Variants in HK1 observed in about 807,000 individuals in gnomAD.
HK1 encodes the protein hexokinase-1.
Under a neutral mutation model 91.6 loss-of-function variants are expected in HK1, and 28 were observed. That is an observed-to-expected ratio of 0.31 (90% CI 0.23 to 0.42). HK1 has a LOEUF of 0.42. HK1 is among the 10% of genes least tolerant of loss of function. The pLI, the probability that HK1 is intolerant of heterozygous loss-of-function variation, is 1.00. For missense variants in HK1, 770 were observed against 1,219.8 expected, an observed-to-expected ratio of 0.63 and a Z score of 5.49; for synonymous variants, 430 against 468.1, an observed-to-expected ratio of 0.92 and a Z score of 1.05.
At chr10:69,318,020 C>T (rs1846738760), upstream of HK1, 1 of 984,816 alleles carries the variant, frequency 1.0e-6, no homozygotes, top group Non-Finnish European at 1.2e-6. Context: ...CCTGGATGCC[C>T]AAGAGCAAGA....
At chr10:69,389,461 G>GTC (rs750220716) in intron 14 of HK1, 165 bp downstream of exon 14, 88 of 531,434 alleles carry the variant, frequency 1.7e-4, no homozygotes, top group South Asian at 1.8e-4. Flanking sequence ...AGGCAGCAGA[G>GTC]TCTCTGGCGG....
intron 2 of HK1, among the ~76,000 whole-genome samples, chr10:69,357,485 C>G (rs1017744007): frequency 2.6e-5 from 4 of 152,158 alleles, no homozygotes; most frequent in South Asian, 4.1e-4. Context: ...GGGCCTCGCT[C>G]TGTTGCCCAG....
At chr10:69,280,411 C>T (rs1164711904) in intron 1 of HK1, among the ~76,000 whole-genome samples, 1 of 152,232 alleles carries the variant, frequency 6.6e-6, no homozygotes, top group Non-Finnish European at 1.5e-5. Context: ...GCCACCACGC[C>T]CAGCCCGGAA....
chr10:69,389,653 T>C (rs571125003), intron 14 of HK1, among the ~76,000 whole-genome samples: 6 of 151,770 alleles, frequency 4.0e-5, no homozygotes, highest in Non-Finnish European at 5.9e-5. Context: ...ATGGAGGGGC[T>C]CTGGTCAGGT....
intron 14 of HK1, among the ~76,000 whole-genome samples, chr10:69,391,569 G>C (rs1359618284): frequency 6.6e-6 from 1 of 152,232 alleles, no homozygotes; most frequent in African/African-American, 2.4e-5. Context: ...TTGAGCCCTG[G>C]AGGCGGAGGT....
chr10:69,330,542 C>G (rs551524655), intron 1 of HK1, among the ~76,000 whole-genome samples: 1 of 152,096 alleles, frequency 6.6e-6, no homozygotes, highest in South Asian at 2.1e-4. Flanking sequence ...CTCCAGACTC[C>G]AAAGCCATTG....
chr10:69,279,920 G>A (rs1844654231), intron 1 of HK1, among the ~76,000 whole-genome samples: 1 of 152,210 alleles, frequency 6.6e-6, no homozygotes, highest in African/African-American at 2.4e-5. Flanking sequence ...ATAAAAGCAT[G>A]TATAAGTCCA....
chr10:69,343,706 G>A lies in HK1; in HGVS notation c.64-121G>A, dbSNP rs1848404255. 6 of 793,218 alleles carry A rather than the reference G, an allele frequency of 7.6e-6. No homozygotes were observed. In the South Asian group the frequency reaches 8.1e-5, roughly 11 times the overall value. The allele number at this position is 793,218 out of a possible 1,614,324, so 49.1% of individuals were successfully genotyped here. Reference sequence around the variant, plus strand: ...CAGCAGTTGAATGACCTTCCGCCATGCGATGTGCCAGCGTGCGTGTTCCTG... The same window carrying A: ...CAGCAGTTGAATGACCTTCCGCCATACGATGTGCCAGCGTGCGTGTTCCTG... On this transcript the variant is annotated intron_variant, in intron 1 of 17. Coordinates refer to ENST00000359426, the MANE Select transcript of HK1 (RefSeq NM_000188.3).
At chr10:69,354,312 A>G (rs1849026053) in intron 2 of HK1, among the ~76,000 whole-genome samples, 1 of 152,212 alleles carries the variant, frequency 6.6e-6, no homozygotes, top group African/African-American at 2.4e-5. Flanking sequence ...GAACTGCCTA[A>G]GACTGGGTAA....
At chr10:69,389,833 G>C (rs4746848) in intron 14 of HK1, among the ~76,000 whole-genome samples, 40,214 of 152,196 alleles carry the variant, frequency 0.26, 6,022 homozygotes, top group African/African-American at 0.42. Context: ...GGGGGTTGCA[G>C]AGGGGTTGTC....
At chr10:69,315,665 A>G, upstream of HK1, 1 of 492,074 alleles carries the variant, frequency 2.0e-6, no homozygotes, top group East Asian at 3.9e-5. Flanking sequence ...GGGACACAGC[A>G]GTGCAGCATG....
intron 7 of HK1, among the ~76,000 whole-genome samples, chr10:69,371,975 C>A (rs538370980): frequency 6.6e-6 from 1 of 152,256 alleles, no homozygotes; most frequent in Non-Finnish European, 1.5e-5. Flanking sequence ...TAAAGACATA[C>A]CCGTAACTGG....
intron 4 of HK1, among the ~76,000 whole-genome samples, chr10:69,367,355 C>T (rs1012231570): frequency 6.6e-6 from 1 of 152,186 alleles, no homozygotes; most frequent in Admixed American, 6.5e-5. Context: ...TAGATCAGCT[C>T]CCTGTTTCTA....
chr10:69,343,983 G>A lies in HK1; in HGVS notation c.220G>A (p.Gly74Ser). 6.2e-7 allele frequency: 1 copy of A among 1,614,138 alleles called. No homozygotes were observed. Among genetic ancestry groups the A allele is most frequent in the Non-Finnish European group, 8.5e-7 (1 of 1,180,004 alleles). Reference protein sequence around the residue: ...LPTFVRSIPDGSEKGDFIALD... With the variant: ...LPTFVRSIPDSSEKGDFIALD... ...AACATTCGTAAGGTCCATTCCTGATGGCTCTGGTAAGTCTGTCACCCAGAG... is the reference window on the plus strand; with the variant it reads ...AACATTCGTAAGGTCCATTCCTGATAGCTCTGGTAAGTCTGTCACCCAGAG... Residue 74 changes from glycine to serine, a missense_variant, in exon 2 of 18, where the codon GGC becomes AGC. Gly to Ser is a moderately conservative substitution (Grantham distance 56). This residue lies in a region of HK1 where 449 missense variants were observed against 665.1 expected (regional missense o/e 0.68). Coordinates refer to ENST00000359426, the MANE Select transcript of HK1 (RefSeq NM_000188.3).
At chr10:69,327,800 C>T (rs896738533) in intron 1 of HK1, among the ~76,000 whole-genome samples, 2 of 152,354 alleles carry the variant, frequency 1.3e-5, no homozygotes, top group Non-Finnish European at 2.9e-5. Context: ...TTTCCATTCA[C>T]ATCACAGTAT....
At chr10:69,297,753 AG>A in intron 4 of HK1, among the ~76,000 whole-genome samples, 1 of 150,724 alleles carries the variant, frequency 6.6e-6, no homozygotes, top group African/African-American at 2.5e-5. Flanking sequence ...AAATTTAGCC[AG>A]ACATGGTGGT....
intron 1 of HK1, among the ~76,000 whole-genome samples, chr10:69,335,757 C>A (rs1316470340): frequency 6.6e-6 from 1 of 152,206 alleles, no homozygotes; most frequent in African/African-American, 2.4e-5. Context: ...GGAACGCACC[C>A]ACTTGACAGA....
At chr10:69,277,552 A>G (rs1844531281) in intron 1 of HK1, among the ~76,000 whole-genome samples, 1 of 152,146 alleles carries the variant, frequency 6.6e-6, no homozygotes, top group Non-Finnish European at 1.5e-5. Flanking sequence ...CGGGCGACAG[A>G]GTAAGACCCT....
In HK1 at chr10:69,364,968, T is replaced by TAAA. The variant is rs1849626176; in HGVS notation, c.495+66_495+67insAAA. On this transcript the variant is annotated intron_variant, in intron 4 of 17. Coordinates refer to ENST00000359426, the MANE Select transcript of HK1 (RefSeq NM_000188.3). The stretch of plus-strand genomic sequence containing the variant: ...GGGATGGAAAAGCTAACAAGCCCTT[T>TAAA]TCTCCACAACTTTTCCCCTTTGTTG... The TAAA allele has an allele frequency of 5.4e-5, 86 of 1,589,144 alleles. 2 individuals carry two copies. The South Asian group carries it at 9.1e-4, about 17-fold the overall frequency.
Sources: gnomAD v4.1 joint callset for allele counts (sites outside exome capture counted in the v4.1 genomes callset) on GRCh38, gnomAD v4.1.1 for gene constraint, gnomAD v4.1.1 regional missense constraint, MANE v1.5 for transcripts, NCBI Gene and HGNC (gene_info 2026-07-23, HGNC 2026-07-21) for gene names.